ZNF536: variants seen among roughly 807,000 people sequenced by gnomAD.
The protein encoded by ZNF536 is zinc finger protein 536.
In ZNF536, 13 loss-of-function variants were observed where a neutral mutation model predicts 84.5. That is an observed-to-expected ratio of 0.15 (90% CI 0.10 to 0.24). ZNF536 has a LOEUF of 0.24. Among genes scored for constraint, ZNF536 ranks in the 10% least tolerant of loss-of-function variants. ZNF536 has a pLI of 1.00. For missense variants in ZNF536, 1,536 were observed against 1,747.5 expected, an observed-to-expected ratio of 0.88 and a Z score of 2.16; for synonymous variants, 811 against 742.5, an observed-to-expected ratio of 1.09 and a Z score of -1.50.
At chr19:30,518,959 G>A (rs1422625825) in intron 2 of ZNF536, among the ~76,000 whole-genome samples, 1 of 152,228 alleles carries the variant, frequency 6.6e-6, no homozygotes, top group African/African-American at 2.4e-5. Flanking sequence ...GGAAAGCCAA[G>A]TTTGCTTCCT....
At chr19:30,693,016 C>G (rs2051474259) in intron 1 of ZNF536, among the ~76,000 whole-genome samples, 1 of 150,826 alleles carries the variant, frequency 6.6e-6, no homozygotes, top group African/African-American at 2.4e-5. Flanking sequence ...GCTCCAAAAC[C>G]TGGGGGGGAG....
intron 2 of ZNF536, among the ~76,000 whole-genome samples, chr19:30,502,442 G>GT (rs1269978115): frequency 6.6e-6 from 1 of 152,102 alleles, no homozygotes; most frequent in Admixed American, 6.5e-5. Context: ...CCCTGGAAAT[G>GT]GTGAGTGATC....
intron 1 of ZNF536, among the ~76,000 whole-genome samples, chr19:30,599,129 T>TCCTCTTCTCTCTCTCCTCCCTC (rs2047582216): frequency 1.0e-5 from 1 of 95,592 alleles, no homozygotes; most frequent in African/African-American, 4.2e-5. Flanking sequence ...CTCTCTCCCT[T>TCCTCTTCTCTCTCTCCTCCCTC]CCTCTTCTCT....
intron 1 of ZNF536, among the ~76,000 whole-genome samples, chr19:30,655,573 C>T (rs1443965235): frequency 1.3e-5 from 2 of 152,118 alleles, no homozygotes; most frequent in African/African-American, 2.4e-5. Context: ...TGCATTGCTA[C>T]CCAAGACATG....
chr19:30,308,082 T>C (rs2046393928), intron 2 of ZNF536, among the ~76,000 whole-genome samples: 1 of 152,238 alleles, frequency 6.6e-6, no homozygotes, highest in Non-Finnish European at 1.5e-5. Flanking sequence ...CTCTGGCTGA[T>C]GGCTGGTGAC....
chr19:30,692,046 T>C (rs1457139911), intron 1 of ZNF536, among the ~76,000 whole-genome samples: 1 of 152,244 alleles, frequency 6.6e-6, no homozygotes, highest in Non-Finnish European at 1.5e-5. Flanking sequence ...GATCCCAGGC[T>C]GCCCTTAAGA....
rs745389019 is a variant in ZNF536, at chr19:30,549,268, C to T, written c.3649C>T (p.Pro1217Ser). ...CCTGCAGCCCACAGGCACCTCCCAGCCCGTCCAGGGACTGGTCTCACCTTT... is the reference window on the plus strand; with the variant it reads ...CCTGCAGCCCACAGGCACCTCCCAGTCCGTCCAGGGACTGGTCTCACCTTT... The part of the protein sequence containing the change: ...DSLQPTGTSQ[P>S]VQGLVSPLSQ... The change falls in exon 4 of 5, where the codon CCC (proline) becomes TCC (serine). Residue 1217 changes from proline to serine, a missense_variant. Coordinates refer to ENST00000355537, the MANE Select transcript of ZNF536 (RefSeq NM_014717.3). 1.9e-6 allele frequency: 3 copies of T among 1,613,888 alleles called. No homozygotes were observed. Among genetic ancestry groups the T allele is most frequent in the Admixed American group, 3.3e-5 (2 of 60,034 alleles).
chr19:30,622,198 C>A (rs180906888), intron 1 of ZNF536, among the ~76,000 whole-genome samples: 1 of 152,166 alleles, frequency 6.6e-6, no homozygotes, highest in Non-Finnish European at 1.5e-5. Flanking sequence ...ATTTGCTGTA[C>A]ATAAAAGCTC....
rs150082511 is a variant in ZNF536, at chr19:30,232,379, G to A, written c.-190+3706G>A. Among the ~76,000 whole-genome samples the A allele has an allele frequency of 7.6e-4, 115 of 152,202 alleles. 2 individuals carry two copies. The highest frequency in any genetic ancestry group is 2.6e-3 in the African/African-American group (108 of 41,516). ...TGAGGTCTGGGGTACAATGCATCCC[G>A]TCACCCAGGTAGTGAGCATGGCACC... On this transcript the variant is annotated intron_variant, in intron 1 of 5. Coordinates refer to the ZNF536 transcript ENST00000585628.
intron 2 of ZNF536, among the ~76,000 whole-genome samples, chr19:30,289,735 C>A (rs2045770151): frequency 6.6e-6 from 1 of 152,204 alleles, no homozygotes; most frequent in South Asian, 2.1e-4. Flanking sequence ...CAATGCCTAT[C>A]CCGCTCATTT....
intron 2 of ZNF536, among the ~76,000 whole-genome samples, chr19:30,456,429 G>A (rs1448512689): frequency 2.7e-5 from 4 of 149,718 alleles, no homozygotes; most frequent in Non-Finnish European, 4.4e-5. Flanking sequence ...GTGTTGCCTC[G>A]CAGTAGACTC....
rs1331644147 is a variant in ZNF536, at chr19:30,402,822, T to TATATATATATATATATATAA, written c.-3+30267_-3+30268insTATATATATATATATATAAA. Reference sequence around the variant, plus strand: ...ATATATATATATATATATATATATATAATTTTCAAAAATTTGATTTAAACT... The same window carrying TATATATATATATATATATAA: ...ATATATATATATATATATATATATATATATATATATATATATATAAAATTTTCAAAAATTTGATTTAAACT... On this transcript the variant is annotated intron_variant, in intron 1 of 4. Transcript: ENST00000355537. 4.6e-3 allele frequency among the ~76,000 whole-genome samples: 649 copies of TATATATATATATATATATAA among 142,392 alleles called. 11 individuals carry two copies. Among genetic ancestry groups the TATATATATATATATATATAA allele is most frequent in the Non-Finnish European group, 8.6e-3 (554 of 64,380 alleles). The allele number at this position is 142,392 out of a possible 152,430, so 93.4% of individuals were successfully genotyped here. A position where few individuals can be genotyped will look rare whatever the true frequency, so the allele number is the denominator to read the frequency against.
intron 2 of ZNF536, among the ~76,000 whole-genome samples, chr19:30,459,356 T>C (rs372204008): frequency 1.3e-3 from 190 of 142,358 alleles, no homozygotes; most frequent in Middle Eastern, 3.5e-3. Context: ...CTTTCTCTCT[T>C]TTTTTTTTTT....
intron 1 of ZNF536, among the ~76,000 whole-genome samples, chr19:30,440,918 GATA>G (rs2052012294): frequency 6.6e-6 from 1 of 151,330 alleles, no homozygotes. Flanking sequence ...TAGATAGATA[GATA>G]GATAGATAGA....
chr19:30,489,265 A>C (rs1038957465), intron 2 of ZNF536, among the ~76,000 whole-genome samples: 2 of 152,230 alleles, frequency 1.3e-5, no homozygotes, highest in Admixed American at 6.5e-5. Flanking sequence ...ACAATCATGC[A>C]TTGAAGAATA....
chr19:30,580,195 G>A (rs1160217534), intron 1 of ZNF536, among the ~76,000 whole-genome samples: 2 of 152,182 alleles, frequency 1.3e-5, no homozygotes, highest in Non-Finnish European at 2.9e-5. Context: ...GCCAACATTG[G>A]GTCCAGGCCA....
intron 1 of ZNF536, among the ~76,000 whole-genome samples, chr19:30,438,379 C>T (rs1228048120): frequency 6.6e-6 from 1 of 152,062 alleles, no homozygotes; most frequent in Non-Finnish European, 1.5e-5. Flanking sequence ...AAAAAAAATC[C>T]TAGAAACACC....
intron 4 of ZNF536, among the ~76,000 whole-genome samples, chr19:30,552,175 A>G (rs1332125620): frequency 2.0e-5 from 3 of 152,148 alleles, no homozygotes; most frequent in African/African-American, 7.2e-5. Flanking sequence ...AATATTTCTA[A>G]TGTTTATTCC....
At chr19:30,232,329 G>A (rs1347372832) in intron 1 of ZNF536, among the ~76,000 whole-genome samples, 1 of 152,134 alleles carries the variant, frequency 6.6e-6, no homozygotes, top group Non-Finnish European at 1.5e-5. Context: ...GTGCAGGGTT[G>A]CTATATGGGT....
Sources: allele counts gnomAD v4.1 joint callset (sites outside exome capture counted in the v4.1 genomes callset), GRCh38; gene constraint gnomAD v4.1.1; transcripts MANE v1.5; gene names NCBI Gene and HGNC (gene_info 2026-07-23, HGNC 2026-07-21).